The following DST variants were observed in gnomAD, a reference collection of about 807,000 sequenced individuals.
DST encodes the protein dystonin.
In DST, 253 loss-of-function variants were observed where a neutral mutation model predicts 875.2. That is an observed-to-expected ratio of 0.29 (90% CI 0.26 to 0.32). DST has a LOEUF of 0.32. Among genes scored for constraint, DST ranks in the 10% least tolerant of loss-of-function variants. The pLI is 1.00. For synonymous variants in DST, 3,124 were observed against 3,197.1 expected, an observed-to-expected ratio of 0.98 and a Z score of 0.77; for missense variants, 8,287 against 9,111.6, an observed-to-expected ratio of 0.91 and a Z score of 3.68.
intron 3 of DST, among the ~76,000 whole-genome samples, chr6:56,876,410 A>C (rs1413842044): frequency 6.6e-6 from 1 of 152,110 alleles, no homozygotes; most frequent in Non-Finnish European, 1.5e-5. Context: ...TCTCACTGTA[A>C]TCCAAAAATG....
intron 10 of DST, among the ~76,000 whole-genome samples, chr6:56,667,866 A>T (rs1362932041): frequency 6.6e-6 from 1 of 151,688 alleles, no homozygotes; most frequent in Non-Finnish European, 1.5e-5. Context: ...TGTACTTATA[A>T]TTATTCATGA....
At chr6:56,487,360 T>C (rs1481757542) in intron 86 of DST, 87 bp from the exon 87 acceptor site, 5 of 1,178,038 alleles carry the variant, frequency 4.2e-6, no homozygotes, top group Admixed American at 5.5e-5. Flanking sequence ...CCCTAATAAA[T>C]GGAGATGAAT....
chr6:56,766,562 G>A (rs1366036708), intron 4 of DST, among the ~76,000 whole-genome samples: 18 of 145,922 alleles, frequency 1.2e-4, no homozygotes, highest in Non-Finnish European at 4.5e-5. Context: ...ACTCAGTCTC[G>A]CTCTGCCACC....
chr6:56,886,729 T>C (rs1034110521), intron 3 of DST, among the ~76,000 whole-genome samples: 3 of 143,612 alleles, frequency 2.1e-5, no homozygotes, highest in African/African-American at 7.9e-5. Context: ...GAGCCGGAGA[T>C]CGTGCCATTG....
chr6:56,524,956 G>A lies in DST; in HGVS notation c.18129+1405C>T, dbSNP rs140321379. On this transcript the variant is annotated intron_variant, in intron 69 of 103. Coordinates refer to ENST00000680361, the MANE Select transcript of DST (RefSeq NM_001374736.1). ...AATCATTATTTTCCTAAAGGATTCCGGAAGACTTACACTGACTTACTTTCC... is the reference window on the plus strand; with the variant it reads ...AATCATTATTTTCCTAAAGGATTCCAGAAGACTTACACTGACTTACTTTCC... Among the ~76,000 whole-genome samples the A allele has an allele frequency of 5.7e-3, 862 of 151,890 alleles. 8 individuals carry two copies. The highest frequency in any genetic ancestry group is 0.012 in the African/African-American group (493 of 41,414).
chr6:56,608,550 T>C lies in DST; in HGVS notation c.6078A>G (p.Thr2026=). The C allele has an allele frequency of 1.2e-6, 2 of 1,613,540 alleles. No individual in the cohort carries two copies. Among genetic ancestry groups the C allele is most frequent in the South Asian group, 1.1e-5 (1 of 91,054 alleles). ...TGATTCCACCAGTTTGAACCTGATATGTGAGGATACTGCTAGCAGTGTCCC... is the reference window on the plus strand; with the variant it reads ...TGATTCCACCAGTTTGAACCTGATACGTGAGGATACTGCTAGCAGTGTCCC... ...IDRDTASSIL[T]YQVQTGGIIQ... is the part of the protein sequence containing the mutation. The change falls in exon 40 of 104, where the codon ACA becomes ACG. Residue 2026 remains threonine (T), a synonymous_variant. Coordinates refer to ENST00000680361, the MANE Select transcript of DST (RefSeq NM_001374736.1).
At position 56,607,502 on chromosome 6, in the gene DST, C is replaced by G; in HGVS notation, c.7126G>C (p.Glu2376Gln). The G allele has an allele frequency of 6.3e-7, 1 of 1,597,946 alleles. No individual in the cohort carries two copies. Among genetic ancestry groups the G allele is most frequent in the Non-Finnish European group, 8.5e-7 (1 of 1,170,922 alleles). Residue 2376 changes from glutamate (E) to glutamine (Q), a missense_variant, in exon 40 of 104, where the codon GAA (glutamate) becomes CAA (glutamine). Glu to Gln is a conservative substitution (Grantham distance 29). Transcript: ENST00000680361. ...LTNYENQSRV[E>Q]TNERANECSH... ...CATTCATTTGCACGTTCATTTGTTTCCACTCGGCTTTGATTTTCATAGTTT... is the reference window on the plus strand; with the variant it reads ...CATTCATTTGCACGTTCATTTGTTTGCACTCGGCTTTGATTTTCATAGTTT...
intron 36 of DST, chr6:56,615,889 C>G (rs143623628): frequency 1.9e-6 from 3 of 1,614,084 alleles, no homozygotes; most frequent in East Asian, 2.2e-5. Context: ...GATGGCCAAT[C>G]CCTGTGATTA....
intron 85 of DST, 41 bp from the exon 86 acceptor site, chr6:56,489,650 C>T (rs746552217): frequency 1.5e-5 from 23 of 1,580,378 alleles, no homozygotes; most frequent in Non-Finnish European, 1.9e-5. Flanking sequence ...ATTTTTCAAG[C>T]ATATTATACT....
chr6:56,950,953 TAGTG>T (rs1345282990), intron 2 of DST, among the ~76,000 whole-genome samples: 3 of 152,338 alleles, frequency 2.0e-5, no homozygotes, highest in East Asian at 3.9e-4. Context: ...ATTATATACT[TAGTG>T]AGGAGAAAAT....
In DST at chr6:56,640,548, G is replaced by A. The variant is rs1563391806; in HGVS notation, c.2085C>T (p.Tyr695=). 3.1e-6 allele frequency: 5 copies of A among 1,614,166 alleles called. No homozygotes were observed. The East Asian group carries it at 1.1e-4, about 36-fold the overall frequency. Reference sequence around the variant, plus strand: ...CTGTTGTCAGTATGCGTCCTTTGCTGTACACAGAAGAACATTCGTTCCTTA... The same window carrying A: ...CTGTTGTCAGTATGCGTCCTTTGCTATACACAGAAGAACATTCGTTCCTTA... The part of the protein sequence containing the change: ...MALRNECSSV[Y]SKGRILTTEQ... Residue 695 remains tyrosine (Y), a synonymous_variant, in exon 18 of 104, where the codon TAC becomes TAT. Transcript: ENST00000680361.
intron 50 of DST, among the ~76,000 whole-genome samples, chr6:56,574,843 C>G (rs1463161870): frequency 6.6e-6 from 1 of 152,096 alleles, no homozygotes; most frequent in Non-Finnish European, 1.5e-5. Context: ...TTAATTATTT[C>G]TGAATGCTTT....
At chr6:56,930,834 G>A (rs1317852786) in intron 2 of DST, among the ~76,000 whole-genome samples, 1 of 152,294 alleles carries the variant, frequency 6.6e-6, no homozygotes, top group East Asian at 1.9e-4. Flanking sequence ...GCTGAAACTG[G>A]TTACAGGCAG....
intron 59 of DST, among the ~76,000 whole-genome samples, chr6:56,556,431 C>A (rs1159459765): frequency 6.6e-6 from 1 of 152,078 alleles, no homozygotes; most frequent in Non-Finnish European, 1.5e-5. Flanking sequence ...CTTTTAGTAT[C>A]ATATTTTATC....
At chr6:56,584,067 G>A (rs2098087629) in intron 49 of DST, among the ~76,000 whole-genome samples, 1 of 152,248 alleles carries the variant, frequency 6.6e-6, no homozygotes, top group East Asian at 1.9e-4. Flanking sequence ...GATTGACTTG[G>A]CGATGCGGGC....
chr6:56,790,324 T>C (rs2099717134), intron 4 of DST, among the ~76,000 whole-genome samples: 1 of 152,210 alleles, frequency 6.6e-6, no homozygotes, highest in Non-Finnish European at 1.5e-5. Flanking sequence ...AGTACATTGG[T>C]AATTTGCCCA....
chr6:56,570,004 G>A lies in DST; in HGVS notation c.13730C>T (p.Ala4577Val). 2 of 1,578,186 alleles carry A rather than the reference G, an allele frequency of 1.3e-6. No individual in the cohort carries two copies. The highest frequency in any genetic ancestry group is 1.7e-6 in the Non-Finnish European group (2 of 1,167,584). ...CAACTGTTCTTGACAAGAAGTTACAGCTTCTTTTCTACATAACAAAAATCA... is the reference window on the plus strand; with the variant it reads ...CAACTGTTCTTGACAAGAAGTTACAACTTCTTTTCTACATAACAAAAATCA... The part of the protein sequence containing the change: ...MEDTIKEKKE[A>V]VTSCQEQLDA... Residue 4577 changes from alanine (A) to valine (V), a missense_variant, in exon 54 of 104, where the codon GCT becomes GTT. By Grantham distance (64) the Ala-to-Val change is moderately conservative. Around this residue, in one of 10 missense-constraint regions of DST, gnomAD observed 1,513 missense variants for 1,677.8 expected, o/e 0.90. Transcript: ENST00000680361.
intron 58 of DST, among the ~76,000 whole-genome samples, chr6:56,559,716 A>G (rs1391382868): frequency 6.6e-6 from 1 of 152,084 alleles, no homozygotes; most frequent in Non-Finnish European, 1.5e-5. Context: ...TTATAGTAAT[A>G]AAAATTGGTA....
chr6:56,868,101 T>G (rs1254674896), intron 3 of DST, among the ~76,000 whole-genome samples: 1 of 152,192 alleles, frequency 6.6e-6, no homozygotes, highest in Non-Finnish European at 1.5e-5. Context: ...ATTTTAAACA[T>G]GGGGGGTGTC....
Sources: allele counts gnomAD v4.1 joint callset (sites outside exome capture counted in the v4.1 genomes callset), GRCh38; gene constraint gnomAD v4.1.1; regional missense constraint gnomAD v4.1.1; transcripts MANE v1.5; gene names NCBI Gene and HGNC (gene_info 2026-07-23, HGNC 2026-07-21).